Variants in TRA2B observed in about 807,000 individuals in gnomAD.
TRA2B encodes the protein transformer 2 beta homolog.
TRA2B carries 14 observed loss-of-function variants against 41.7 expected under a neutral mutation model. The ratio of observed to expected loss-of-function variants is 0.34; its 90% CI spans 0.22 to 0.53. TRA2B has a LOEUF of 0.53. TRA2B is among the 20% of genes least tolerant of loss of function. The pLI is 0.95. For synonymous variants in TRA2B, 130 were observed against 128.8 expected (o/e 1.01, Z -0.06); for missense variants, 167 against 396.8 (o/e 0.42, Z 4.92).
chr3:185,934,845 A>C (rs1382620300), intron 1 of TRA2B: 1 of 985,328 alleles, frequency 1.0e-6, no homozygotes, highest in Non-Finnish European at 1.2e-6. Flanking sequence ...TTACGTGCCT[A>C]TGTTGCAATC....
At chr3:185,935,262 G>A in intron 1 of TRA2B, 1 of 985,398 alleles carries the variant, frequency 1.0e-6, no homozygotes, top group Non-Finnish European at 1.2e-6. Context: ...TCTTACTTTT[G>A]AAAGTGGTTT....
intron 1 of TRA2B, chr3:185,935,981 G>A (rs767661104): frequency 1.0e-6 from 1 of 985,366 alleles, no homozygotes; most frequent in Non-Finnish European, 1.2e-6. Flanking sequence ...ACTTTTACTA[G>A]TAAAAAGATA....
intron 1 of TRA2B, among the ~76,000 whole-genome samples, chr3:185,931,292 C>T (rs955166276): frequency 6.6e-6 from 1 of 152,172 alleles, no homozygotes; most frequent in African/African-American, 2.4e-5. Context: ...GCTCATGCCC[C>T]AGGACCAGCA....
chr3:185,936,198 A>T (rs1326763261), intron 1 of TRA2B: 3 of 985,286 alleles, frequency 3.0e-6, no homozygotes, highest in Non-Finnish European at 3.6e-6. Flanking sequence ...CAATAATTGA[A>T]TTTTTCTGTT....
intron 1 of TRA2B, among the ~76,000 whole-genome samples, chr3:185,929,632 C>A (rs977918581): frequency 2.1e-4 from 32 of 152,276 alleles, no homozygotes; most frequent in African/African-American, 7.2e-4. Context: ...AGCCTTCCAA[C>A]AAAATAATCC....
At chr3:185,937,653 GCACTATC>G (rs910612679) in intron 1 of TRA2B, among the ~76,000 whole-genome samples, 165 bp downstream of exon 1, 10 of 152,234 alleles carry the variant, frequency 6.6e-5, no homozygotes, top group African/African-American at 2.4e-4. Context: ...AGGCACTAAG[GCACTATC>G]CACAAAGGCT....
chr3:185,935,065 T>C, intron 1 of TRA2B: 1 of 985,448 alleles, frequency 1.0e-6, no homozygotes, highest in South Asian at 4.7e-5. Flanking sequence ...ACACAACCTA[T>C]ACGCTGTGAC....
chr3:185,925,752 A>G, intron 2 of TRA2B, 126 bp from the exon 3 acceptor site: 1 of 957,930 alleles, frequency 1.0e-6, no homozygotes, highest in South Asian at 2.8e-5. Context: ...TTACCAATTT[A>G]GTAGGATCAA....
chr3:185,917,544 A>G lies in TRA2B; in HGVS notation c.*171T>C. Reference sequence around the variant, plus strand: ...TTGGAACAAAGCACCAAACTACACAAATGCAGAATGAAAACAGCATTTCAA... The same window carrying G: ...TTGGAACAAAGCACCAAACTACACAGATGCAGAATGAAAACAGCATTTCAA... On this transcript the variant is annotated 3_prime_UTR_variant, in exon 9 of 9. Coordinates refer to ENST00000453386, the MANE Select transcript of TRA2B (RefSeq NM_004593.3). 1.7e-6 allele frequency: 1 copy of G among 591,952 alleles called. No individual in the cohort carries two copies. Among genetic ancestry groups the G allele is most frequent in the Non-Finnish European group, 2.9e-6 (1 of 340,934 alleles). 36.7% of individuals were successfully genotyped at this position (591,952 alleles called of 1,614,324 possible). A position where few individuals can be genotyped will look rare whatever the true frequency, so the allele number is the denominator to read the frequency against.
rs1743496656 is a variant in TRA2B at position 185,916,268 on chromosome 3, C to CTAG, written c.*1446_*1447insCTA. ...TCAAGAGAACTGTGGACTAAGATCA[C>CTAG]CTAGGTTCAATTCAGATCGTGGCAT... On this transcript the variant is annotated 3_prime_UTR_variant, in exon 9 of 9. Coordinates refer to ENST00000453386, the MANE Select transcript of TRA2B (RefSeq NM_004593.3). 1 of 152,204 alleles carries CTAG rather than the reference C, an allele frequency of 6.6e-6. No individual in the cohort carries two copies. The highest frequency in any genetic ancestry group is 1.5e-5 in the Non-Finnish European group (1 of 68,040). 9.4% of individuals were successfully genotyped at this position (152,204 alleles called of 1,614,324 possible).
chr3:185,929,825 T>TA (rs556194215), intron 1 of TRA2B, among the ~76,000 whole-genome samples: 50 of 152,338 alleles, frequency 3.3e-4, no homozygotes, highest in African/African-American at 1.2e-3. Flanking sequence ...TTACTTGACT[T>TA]AGTCAACCTC....
At chr3:185,920,244 TAA>T (rs1221374285) in intron 6 of TRA2B, among the ~76,000 whole-genome samples, 4 of 152,202 alleles carry the variant, frequency 2.6e-5, no homozygotes, top group Non-Finnish European at 5.9e-5. Flanking sequence ...ATGCATGCAT[TAA>T]GAGATTACAA....
chr3:185,917,592 A>T lies in TRA2B; in HGVS notation c.*123T>A. On this transcript the variant is annotated 3_prime_UTR_variant, in exon 9 of 9. Transcript: ENST00000453386. The stretch of plus-strand genomic sequence containing the variant: ...CAACTCCACCAAAAGTAGTCATCGT[A>T]AAAGGTGTAAAAGTCACCTAACTTC... 2 of 936,856 alleles carry T rather than the reference A, an allele frequency of 2.1e-6. No individual in the cohort carries two copies. Among genetic ancestry groups the T allele is most frequent in the Non-Finnish European group, 3.2e-6 (2 of 617,806 alleles). 58.0% of individuals were successfully genotyped at this position (936,856 alleles called of 1,614,324 possible).
At chr3:185,931,941 T>A in intron 1 of TRA2B, 5 of 926,340 alleles carry the variant, frequency 5.4e-6, no homozygotes, top group Non-Finnish European at 7.2e-6. Flanking sequence ...AAAAAATCCC[T>A]TTGTTGATTT....
intron 1 of TRA2B, chr3:185,927,167 A>C (rs1743983233): frequency 6.6e-6 from 1 of 152,322 alleles, no homozygotes. Context: ...TTACTTAAAA[A>C]AATGCTTGAT....
intron 1 of TRA2B, among the ~76,000 whole-genome samples, chr3:185,933,932 T>C (rs548097257): frequency 6.6e-6 from 1 of 152,106 alleles, no homozygotes; most frequent in African/African-American, 2.4e-5. Context: ...AGGGGCCCCT[T>C]ATCCAAACTG....
intron 1 of TRA2B, chr3:185,936,087 T>C (rs1744341025): frequency 2.0e-6 from 2 of 985,404 alleles, no homozygotes; most frequent in Non-Finnish European, 1.2e-6. Context: ...ACTAATGAAC[T>C]CTGGGCAATT....
In TRA2B at chr3:185,918,366, A is replaced by C. The variant is rs1743584079; in HGVS notation, c.855T>G (p.Pro285=). Residue 285 remains proline, a splice_region_variant and synonymous_variant, in exon 8 of 9, where the codon CCT becomes CCG. Coordinates refer to ENST00000453386, the MANE Select transcript of TRA2B (RefSeq NM_004593.3). ...RSRSRSRSYS[P]RRY The stretch of plus-strand genomic sequence containing the variant: ...AATCATATTAAGATAAAAACTTACG[A>C]GGTGAGTATGATCGAGATCTGGAAC... The C allele has an allele frequency of 6.2e-7, 1 of 1,611,618 alleles. No homozygotes were observed. The highest frequency in any genetic ancestry group is 8.5e-7 in the Non-Finnish European group (1 of 1,177,942).
chr3:185,929,361 G>A (rs1424457770), intron 1 of TRA2B, among the ~76,000 whole-genome samples: 1 of 152,058 alleles, frequency 6.6e-6, no homozygotes, highest in Non-Finnish European at 1.5e-5. Context: ...AAAACCAGTT[G>A]GGGAAGTCCC....
Sources: gnomAD v4.1 joint callset for allele counts (sites outside exome capture counted in the v4.1 genomes callset) on GRCh38, gnomAD v4.1.1 for gene constraint, MANE v1.5 for transcripts, NCBI Gene and HGNC (gene_info 2026-07-23, HGNC 2026-07-21) for gene names.